The following ULK4 variants were observed in gnomAD, a reference collection of about 807,000 sequenced individuals.
ULK4 encodes the protein unc-51 like kinase 4, also known as inactive serine/threonine-protein kinase ULK4.
Under a neutral mutation model 160.6 loss-of-function variants are expected in ULK4, and 133 were observed. The observed-to-expected ratio is 0.83, with a 90% CI of 0.72 to 0.96. The LOEUF (loss-of-function observed/expected upper bound fraction) is 0.96. Ranked by LOEUF, ULK4 falls within the 40% of genes least tolerant of loss-of-function variation. The pLI is 0.00. For synonymous variants in ULK4, 534 were observed against 539.8 expected (o/e 0.99, Z 0.15); for missense variants, 1,580 against 1,499.5 (o/e 1.05, Z -0.89).
At chr3:41,553,144 A>T (rs2087140288) in intron 32 of ULK4, among the ~76,000 whole-genome samples, 1 of 152,116 alleles carries the variant, frequency 6.6e-6, no homozygotes, top group Admixed American at 6.6e-5. Context: ...AGAAACCATA[A>T]TATTACTAGA....
chr3:41,839,336 T>C (rs2041846379), intron 17 of ULK4, among the ~76,000 whole-genome samples: 1 of 147,304 alleles, frequency 6.8e-6, no homozygotes, highest in Non-Finnish European at 1.5e-5. Context: ...CAAGACTCTG[T>C]CTCAAAAAAA....
intron 16 of ULK4, among the ~76,000 whole-genome samples, chr3:41,890,733 GGAAGGGACA>G (rs1342812549): frequency 2.3e-3 from 172 of 75,124 alleles, no homozygotes; most frequent in South Asian, 4.1e-3. Flanking sequence ...CGGGAGGGAA[GGAAGGGACA>G]GGAGGGACGG....
rs115298587 is a variant in ULK4 at position 41,744,096 on chromosome 3, C to T, written c.2321+10265G>A. On this transcript the variant is annotated intron_variant, in intron 22 of 36. Coordinates refer to ENST00000301831, the MANE Select transcript of ULK4 (RefSeq NM_017886.4). ...AAACTATGCAAGGTGATATACTCAA[C>T]AGTGCTATAAATAAATAAAAGAATC... 6.5e-3 allele frequency among the ~76,000 whole-genome samples: 987 copies of T among 151,876 alleles called. 24 individuals carry two copies. The highest frequency in any genetic ancestry group is 0.022 in the African/African-American group (923 of 41,250).
intron 32 of ULK4, among the ~76,000 whole-genome samples, chr3:41,474,888 G>C (rs968334544): frequency 1.3e-5 from 2 of 150,866 alleles, no homozygotes; most frequent in Admixed American, 6.6e-5. Context: ...TACACTGTTG[G>C]TGAAATGTAA....
chr3:41,256,711 A>T (rs1275258933), intron 35 of ULK4, among the ~76,000 whole-genome samples: 3 of 152,226 alleles, frequency 2.0e-5, no homozygotes, highest in Admixed American at 6.5e-5. Context: ...AATCCCTTAA[A>T]AAAATTATAA....
At chr3:41,835,782 A>G (rs2041735642) in intron 18 of ULK4, 82 bp downstream of exon 18, 2 of 1,074,830 alleles carry the variant, frequency 1.9e-6, no homozygotes, top group Non-Finnish European at 1.4e-6. Context: ...AAATCAAAAA[A>G]CTTTTATAGG....
At chr3:41,515,379 A>T (rs866411849) in intron 32 of ULK4, among the ~76,000 whole-genome samples, 4 of 151,674 alleles carry the variant, frequency 2.6e-5, no homozygotes, top group Admixed American at 2.0e-4. Flanking sequence ...TATAGTAATT[A>T]AAAAAAAACA....
At chr3:41,835,731 T>C in intron 18 of ULK4, 133 bp downstream of exon 18, 1 of 561,840 alleles carries the variant, frequency 1.8e-6, no homozygotes, top group Non-Finnish European at 3.2e-6. Context: ...CCCCAAGAGG[T>C]AAAATTTATC....
At chr3:41,742,637 A>G (rs958150646) in intron 22 of ULK4, among the ~76,000 whole-genome samples, 8 of 151,978 alleles carry the variant, frequency 5.3e-5, no homozygotes, top group African/African-American at 1.9e-4. Context: ...AACACATACT[A>G]CACTAGTATG....
chr3:41,886,278 A>T (rs1261118598), intron 16 of ULK4, among the ~76,000 whole-genome samples: 1 of 152,140 alleles, frequency 6.6e-6, no homozygotes, highest in Non-Finnish European at 1.5e-5. Context: ...TTATTCATTC[A>T]TTTACTTGTT....
At chr3:41,806,697 T>C (rs1180006880) in intron 19 of ULK4, among the ~76,000 whole-genome samples, 1 of 152,194 alleles carries the variant, frequency 6.6e-6, no homozygotes, top group Non-Finnish European at 1.5e-5. Flanking sequence ...TTTGTTCTCG[T>C]TGGTTTCAAA....
intron 32 of ULK4, among the ~76,000 whole-genome samples, chr3:41,519,780 C>A (rs1413938692): frequency 2.0e-5 from 3 of 152,160 alleles, no homozygotes; most frequent in Non-Finnish European, 2.9e-5. Context: ...GGTCTTCTGA[C>A]CCTACAGTTT....
intron 32 of ULK4, among the ~76,000 whole-genome samples, chr3:41,529,091 C>G (rs1277901674): frequency 6.6e-6 from 1 of 152,184 alleles, no homozygotes; most frequent in Admixed American, 6.5e-5. Flanking sequence ...GAAAGAAGAG[C>G]CAACTTGGCA....
intron 35 of ULK4, among the ~76,000 whole-genome samples, chr3:41,299,252 G>A (rs1038076023): frequency 1.6e-4 from 25 of 152,242 alleles, no homozygotes; most frequent in African/African-American, 4.6e-4. Context: ...TGGCCCAGTC[G>A]TCCCAGTTAA....
chr3:41,907,774 T>C (rs1275709962), intron 12 of ULK4, 71 bp downstream of exon 12: 11 of 978,316 alleles, frequency 1.1e-5, no homozygotes, highest in African/African-American at 6.7e-5. Context: ...CATAATTCAT[T>C]TACCAACTTA....
intron 35 of ULK4, among the ~76,000 whole-genome samples, chr3:41,267,493 T>C (rs888526952): frequency 1.3e-5 from 2 of 152,214 alleles, no homozygotes; most frequent in Non-Finnish European, 2.9e-5. Flanking sequence ...TGTGTCTCTA[T>C]AGTAGAATGA....
intron 30 of ULK4, among the ~76,000 whole-genome samples, chr3:41,634,495 G>A (rs867232660): frequency 7.2e-5 from 11 of 152,168 alleles, no homozygotes; most frequent in Admixed American, 2.0e-4. Context: ...CAGGAATGGC[G>A]TCAGACAGAG....
chr3:41,610,607 TAA>T (rs1400799562), intron 31 of ULK4, among the ~76,000 whole-genome samples: 1 of 152,232 alleles, frequency 6.6e-6, no homozygotes, highest in African/African-American at 2.4e-5. Context: ...CAAGGGTCCA[TAA>T]AGAGACTCTT....
rs60281588 is a variant in ULK4 at position 41,657,818 on chromosome 3, TAA to T, written c.3071+5787_3071+5788del. Among the ~76,000 whole-genome samples the T allele has an allele frequency of 6.2e-3, 615 of 99,716 alleles. 32 individuals carry two copies. The highest frequency in any genetic ancestry group is 0.016 in the African/African-American group (239 of 14,978). 65.4% of individuals were successfully genotyped at this position (99,716 alleles called of 152,430 possible). On this transcript the variant is annotated intron_variant, in intron 30 of 36. Coordinates refer to ENST00000301831, the MANE Select transcript of ULK4 (RefSeq NM_017886.4). ...GTGACAAAGCGAGACTCCATCTCAT[TAA>T]AAAAAAAAAAAAAAACACACACCAC... is the stretch of plus-strand genomic sequence containing the variant.
Sources: allele counts gnomAD v4.1 joint callset (sites outside exome capture counted in the v4.1 genomes callset), GRCh38; gene constraint gnomAD v4.1.1; transcripts MANE v1.5; gene names NCBI Gene and HGNC (gene_info 2026-07-23, HGNC 2026-07-21).